The following PDZD2 variants were observed in gnomAD, a reference collection of about 807,000 sequenced individuals.
PDZD2 encodes the protein PDZ domain-containing protein 2.
In PDZD2, 90 loss-of-function variants were observed where a neutral mutation model predicts 220.7. The observed-to-expected ratio is 0.41, with a 90% CI of 0.34 to 0.49. The LOEUF is 0.49. PDZD2 is among the 20% of genes least tolerant of loss of function. PDZD2 has a pLI of 0.28. For missense variants in PDZD2, 3,174 were observed against 3,608.5 expected (o/e 0.88, Z 3.08); for synonymous variants, 1,375 against 1,450.5 (o/e 0.95, Z 1.18).
Position 32,083,733 on chromosome 5 carries a change from G to C in PDZD2, c.3683-3398G>C, listed in dbSNP as rs1465672657. ...TGTCGCTCAGGCTGGATGGAGTACA[G>C]TGGCTCGATCTCGGCTCACTGCAAC... On this transcript the variant is annotated intron_variant, in intron 19 of 24. Transcript: ENST00000438447. This position sits in a 1 kb window ranked among gnomAD's most constrained non-coding sequence, Gnocchi z 4.1. 6.6e-6 allele frequency: 1 copy of C among 152,310 alleles called. No homozygotes were observed. The highest frequency in any genetic ancestry group is 1.5e-5 in the Non-Finnish European group (1 of 68,156). 9.4% of individuals were successfully genotyped at this position (152,310 alleles called of 1,614,324 possible). A position where few individuals can be genotyped will look rare whatever the true frequency, so the allele number is the denominator to read the frequency against.
chr5:31,672,515 G>A (rs1487908973), intron 1 of PDZD2, among the ~76,000 whole-genome samples: 1 of 152,170 alleles, frequency 6.6e-6, no homozygotes, highest in African/African-American at 2.4e-5. Flanking sequence ...CCAGCCCAGG[G>A]CCTCCTGCCC....
chr5:31,930,667 A>T (rs768652286), intron 2 of PDZD2, among the ~76,000 whole-genome samples: 1 of 152,144 alleles, frequency 6.6e-6, no homozygotes, highest in Admixed American at 6.5e-5. Flanking sequence ...TGTGTGCAGG[A>T]TATACTTTAG....
At position 32,089,083 on chromosome 5, in the gene PDZD2, G is replaced by A. The variant is rs1307031932; in HGVS notation, c.5635G>A (p.Ala1879Thr). 3 of 1,613,884 alleles carry A rather than the reference G, an allele frequency of 1.9e-6. No individual in the cohort carries two copies. The highest frequency in any genetic ancestry group is 4.5e-5 in the East Asian group (2 of 44,892). The change falls in exon 20 of 25, where the codon GCA becomes ACA. Residue 1879 changes from alanine (A) to threonine (T), a missense_variant. Physicochemically the swap from Ala to Thr is moderately conservative, Grantham distance 58. Coordinates refer to ENST00000438447, the MANE Select transcript of PDZD2 (RefSeq NM_178140.4). ...AATGCTTCTGACTAATGGTCAGAAG[G>A]CAAAGTGTGGTCCGAAGCTGAAGAG... The part of the protein sequence containing the change: ...AEMLLTNGQK[A>T]KCGPKLKRLS...
chr5:32,021,663 T>C (rs1754213186), intron 6 of PDZD2, among the ~76,000 whole-genome samples: 1 of 152,200 alleles, frequency 6.6e-6, no homozygotes, highest in Admixed American at 6.5e-5. Context: ...ATTGCCAGTC[T>C]TACCTGTTTC....
chr5:31,775,701 G>GTGTGTA, intron 1 of PDZD2, among the ~76,000 whole-genome samples: 1 of 149,092 alleles, frequency 6.7e-6, no homozygotes, highest in East Asian at 1.9e-4. Context: ...GTGTGTGTGT[G>GTGTGTA]TGTGTAGTCA....
At chr5:32,105,552 T>C (rs1220055717) in intron 24 of PDZD2, among the ~76,000 whole-genome samples, 2 of 152,186 alleles carry the variant, frequency 1.3e-5, no homozygotes, top group Non-Finnish European at 2.9e-5. Flanking sequence ...AAAGGAAAGC[T>C]AAATAGCAGT....
intron 1 of PDZD2, among the ~76,000 whole-genome samples, chr5:31,736,511 A>G (rs1241791631): frequency 1.3e-5 from 2 of 152,268 alleles, no homozygotes; most frequent in African/African-American, 4.8e-5. Context: ...CACTAAATCT[A>G]CAGGAATAAA....
Position 31,740,976 on chromosome 5 carries a change from AG to A in PDZD2, c.-360-57910del, listed in dbSNP as rs542312557. On this transcript the variant is annotated intron_variant, in intron 1 of 24. Coordinates refer to ENST00000438447, the MANE Select transcript of PDZD2 (RefSeq NM_178140.4). ...CTTTAGCAGAACTCATGTTTCTAACAGGGTTTTTCAAACTGATGTCTTATCC... is the reference window on the plus strand; with the variant it reads ...CTTTAGCAGAACTCATGTTTCTAACAGGTTTTTCAAACTGATGTCTTATCC... Among the ~76,000 whole-genome samples the A allele has an allele frequency of 1.1e-4, 17 of 152,352 alleles. No homozygotes were observed. In the South Asian group the frequency reaches 3.5e-3, roughly 32 times the overall value.
intron 2 of PDZD2, among the ~76,000 whole-genome samples, chr5:31,925,203 G>A (rs1313495258): frequency 6.6e-6 from 1 of 152,162 alleles, no homozygotes; most frequent in Non-Finnish European, 1.5e-5. Context: ...CACATTACCT[G>A]CCTTCAGACT....
intron 2 of PDZD2, among the ~76,000 whole-genome samples, chr5:31,860,854 C>G (rs559866968): frequency 6.6e-6 from 1 of 152,258 alleles, no homozygotes; most frequent in South Asian, 2.1e-4. Flanking sequence ...AGCACATTAA[C>G]TTTGAAATAT....
intron 2 of PDZD2, among the ~76,000 whole-genome samples, chr5:31,821,518 C>T (rs1755859354): frequency 6.6e-6 from 1 of 151,956 alleles, no homozygotes. Context: ...GTAGCTGGGA[C>T]TACAGGCGTG....
chr5:31,956,560 T>TA (rs1747715744), intron 2 of PDZD2, among the ~76,000 whole-genome samples: 2 of 111,762 alleles, frequency 1.8e-5, no homozygotes, highest in East Asian at 2.5e-4. Context: ...AAAAAAAAAA[T>TA]AAATAAAATA....
chr5:31,811,393 T>C (rs1755100412), intron 2 of PDZD2, among the ~76,000 whole-genome samples: 1 of 152,206 alleles, frequency 6.6e-6, no homozygotes, highest in South Asian at 2.1e-4. Context: ...GCTGCAGTGA[T>C]GGTGTAATAG....
At chr5:31,924,806 A>G (rs993109510) in intron 2 of PDZD2, among the ~76,000 whole-genome samples, 1 of 152,210 alleles carries the variant, frequency 6.6e-6, no homozygotes, top group African/African-American at 2.4e-5. Flanking sequence ...ATTAGACAGA[A>G]TTCTTGAGCT....
At chr5:31,776,774 G>A (rs998120166) in intron 1 of PDZD2, among the ~76,000 whole-genome samples, 10 of 150,408 alleles carry the variant, frequency 6.6e-5, no homozygotes, top group South Asian at 2.1e-4. Flanking sequence ...TCAGCTTCCC[G>A]AGTAGCTGGG....
At chr5:32,003,134 C>A (rs117008194) in intron 5 of PDZD2, among the ~76,000 whole-genome samples, 8 of 16,966 alleles carry the variant, frequency 4.7e-4, no homozygotes, top group Non-Finnish European at 4.6e-3. Context: ...CACACACACA[C>A]CACACACACA....
At position 32,090,653 on chromosome 5, in the gene PDZD2, A is replaced by C; in HGVS notation, c.7205A>C (p.Glu2402Ala). 1 of 1,614,112 alleles carries C rather than the reference A, an allele frequency of 6.2e-7. No homozygotes were observed. The highest frequency in any genetic ancestry group is 8.5e-7 in the Non-Finnish European group (1 of 1,180,012). ...LLRRSLSSCS[E>A]NQSEAGTLLP... ...AGACGCAGCTTGAGTTCCTGCAGCG[A>C]AAACCAAAGCGAAGCCGGCACCCTC... Residue 2402 changes from glutamate (E) to alanine (A), a missense_variant, in exon 20 of 25, where the codon GAA (glutamate) becomes GCA (alanine). By Grantham distance (107) the Glu-to-Ala change is moderately radical (BLOSUM62 -1). Transcript: ENST00000438447. This position sits in a 1 kb window ranked among gnomAD's most constrained non-coding sequence, Gnocchi z 4.3.
At chr5:31,662,171 C>T (rs1290667879) in intron 1 of PDZD2, among the ~76,000 whole-genome samples, 5 of 151,990 alleles carry the variant, frequency 3.3e-5, no homozygotes, top group South Asian at 2.1e-4. Flanking sequence ...ATTAGCTGGG[C>T]GTGGTGGTGC....
chr5:31,865,919 C>A (rs554251930), intron 2 of PDZD2, among the ~76,000 whole-genome samples: 2 of 151,278 alleles, frequency 1.3e-5, no homozygotes, highest in South Asian at 2.1e-4. Flanking sequence ...GCGTGAGCCA[C>A]CGCACCTGCC....
Sources: gnomAD v4.1 joint callset for allele counts (sites outside exome capture counted in the v4.1 genomes callset) on GRCh38, gnomAD v4.1.1 for gene constraint, Gnocchi (gnomAD v3.1) non-coding constraint, MANE v1.5 for transcripts, NCBI Gene and HGNC (gene_info 2026-07-23, HGNC 2026-07-21) for gene names.